Variants in TTBK1 observed in about 807,000 individuals in gnomAD.
The protein encoded by TTBK1 is tau tubulin kinase 1.
In TTBK1, 34 loss-of-function variants were observed where a neutral mutation model predicts 108.5. That is an observed-to-expected ratio of 0.31 (90% CI 0.24 to 0.42). TTBK1 has a LOEUF of 0.42. TTBK1 is among the 10% of genes least tolerant of loss of function. The pLI is 1.00. For missense variants in TTBK1, 1,539 were observed against 1,826.0 expected (o/e 0.84, Z 2.86); for synonymous variants, 809 against 795.1 (o/e 1.02, Z -0.29).
At position 43,285,535 on chromosome 6, in the gene TTBK1, C is replaced by G; in HGVS notation, c.*159C>G. On this transcript the variant is annotated 3_prime_UTR_variant, in exon 15 of 15. Coordinates refer to ENST00000259750, the MANE Select transcript of TTBK1 (RefSeq NM_032538.3). The surrounding 1 kb of genome is among the most constrained non-coding windows in gnomAD (Gnocchi z 4.7). ...ACCCGCGAGGACGCGCGCGAGCACA[C>G]GCGGCGCCCCGCCAGGCCTTAGGGC... 1 of 989,362 alleles carries G rather than the reference C, an allele frequency of 1.0e-6. No homozygotes were observed. The highest frequency in any genetic ancestry group is 1.3e-6 in the Non-Finnish European group (1 of 774,002). 61.3% of individuals were successfully genotyped at this position (989,362 alleles called of 1,614,324 possible). A position where few individuals can be genotyped will look rare whatever the true frequency, so the allele number is the denominator to read the frequency against.
chr6:43,274,869 C>T (rs1777922950), intron 13 of TTBK1, among the ~76,000 whole-genome samples: 2 of 152,068 alleles, frequency 1.3e-5, no homozygotes, highest in South Asian at 4.1e-4. Flanking sequence ...CCGCTTCCTC[C>T]AAATGAGGGG....
chr6:43,275,205 C>G (rs934297621), intron 13 of TTBK1, among the ~76,000 whole-genome samples: 3 of 152,140 alleles, frequency 2.0e-5, no homozygotes, highest in African/African-American at 4.8e-5. Flanking sequence ...CCAGGGGTCC[C>G]GTCCATCCGC....
rs1328572510 is a variant in TTBK1 at position 43,263,340 on chromosome 6, C to G, written c.1976C>G (p.Pro659Arg). ...CGGAGAGAGTCGGACCCCACAGGCC[C>G]ACAGAGACAGGTAAGGTTGGGCTTG... ...PRRRESDPTG[P>R]QRQVFSVAPP... The change falls in exon 13 of 15, where the codon CCA becomes CGA. Residue 659 changes from proline (P) to arginine (R), a missense_variant. Physicochemically the swap from Pro to Arg is moderately radical, Grantham distance 103. This residue lies in a region of TTBK1 where 1,055 missense variants were observed against 1,086.5 expected (regional missense o/e 0.97). Coordinates refer to ENST00000259750, the MANE Select transcript of TTBK1 (RefSeq NM_032538.3). This position sits in a 1 kb window ranked among gnomAD's most constrained non-coding sequence, Gnocchi z 4.7. 6.8e-7 allele frequency: 1 copy of G among 1,460,580 alleles called. No homozygotes were observed. The highest frequency in any genetic ancestry group is 1.4e-5 in the South Asian group (1 of 70,430). The allele number at this position is 1,460,580 out of a possible 1,614,324, so 90.5% of individuals were successfully genotyped here.
In TTBK1 at chr6:43,259,281, C is replaced by T; in HGVS notation, c.1248+12C>T. The stretch of plus-strand genomic sequence containing the variant: ...TCAACATCGGCAAAGTAACTGCCGC[C>T]AGGGCGAAGGGCGTGGGTGGCCTTT... On this transcript the variant is annotated intron_variant, in intron 11 of 14. Transcript: ENST00000259750. The surrounding 1 kb of genome is among the most constrained non-coding windows in gnomAD (Gnocchi z 6.7). 1 of 1,542,806 alleles carries T rather than the reference C, an allele frequency of 6.5e-7. No individual in the cohort carries two copies. The highest frequency in any genetic ancestry group is 8.7e-7 in the Non-Finnish European group (1 of 1,143,848).
intron 13 of TTBK1, among the ~76,000 whole-genome samples, chr6:43,281,609 A>C (rs1270313809): frequency 6.6e-6 from 1 of 152,162 alleles, no homozygotes. Flanking sequence ...AAGTTTAAGA[A>C]GGATGCTTGG....
At chr6:43,256,191 A>G (rs1322357967) in intron 9 of TTBK1, among the ~76,000 whole-genome samples, 1 of 149,792 alleles carries the variant, frequency 6.7e-6, no homozygotes, top group Non-Finnish European at 1.5e-5. Flanking sequence ...GCTGGAGTGC[A>G]GTGGCGTGAT....
At chr6:43,255,261 C>T in intron 7 of TTBK1, 147 bp downstream of exon 7, 1 of 784,604 alleles carries the variant, frequency 1.3e-6, no homozygotes, top group East Asian at 2.7e-5. Flanking sequence ...AGGAAGGCCC[C>T]TCTGTGGCAG....
At chr6:43,251,735 C>T (rs950510073) in intron 2 of TTBK1, among the ~76,000 whole-genome samples, 5 of 152,210 alleles carry the variant, frequency 3.3e-5, no homozygotes, top group African/African-American at 1.2e-4. Flanking sequence ...CTGCTCCATT[C>T]CCTCCAGGCG....
At chr6:43,246,534 C>A in intron 1 of TTBK1, 73 bp from the exon 2 acceptor site, 1 of 620,558 alleles carries the variant, frequency 1.6e-6, no homozygotes, top group South Asian at 2.1e-5. Flanking sequence ...AGGAGTGGAG[C>A]TCCTCTCCTC....
Position 43,285,728 on chromosome 6 carries a change from T to A in TTBK1, c.*352T>A. The A allele has an allele frequency of 5.6e-6, 1 of 177,680 alleles. No homozygotes were observed. The highest frequency in any genetic ancestry group is 1.2e-5 in the Non-Finnish European group (1 of 84,668). The allele number at this position is 177,680 out of a possible 1,614,324, so 11.0% of individuals were successfully genotyped here. A position where few individuals can be genotyped will look rare whatever the true frequency, so the allele number is the denominator to read the frequency against. ...CGAGGACTCCACTTCTGGGGACGCCTGGTTCGTTCGCCCACCAGGCCTAGG... is the reference window on the plus strand; with the variant it reads ...CGAGGACTCCACTTCTGGGGACGCCAGGTTCGTTCGCCCACCAGGCCTAGG... On this transcript the variant is annotated 3_prime_UTR_variant, in exon 15 of 15. Coordinates refer to ENST00000259750, the MANE Select transcript of TTBK1 (RefSeq NM_032538.3). The surrounding 1 kb of genome is among the most constrained non-coding windows in gnomAD (Gnocchi z 4.7).
At chr6:43,277,721 C>T (rs1171530083) in intron 13 of TTBK1, among the ~76,000 whole-genome samples, 3 of 152,184 alleles carry the variant, frequency 2.0e-5, no homozygotes, top group Non-Finnish European at 4.4e-5. Context: ...CTTGGCTTGG[C>T]AGAGACGTTT....
chr6:43,274,264 A>T lies in TTBK1; in HGVS notation c.1987-8463A>T, dbSNP rs138254298. ...TCCCTTTGCATTTCCAGTTTTGGGG[A>T]AAACAGACACAGCCCTGCCTAGTGG... On this transcript the variant is annotated intron_variant, in intron 13 of 14. Transcript: ENST00000259750. 6.4e-4 allele frequency among the ~76,000 whole-genome samples: 97 copies of T among 152,270 alleles called. 1 individual carries two copies. In the East Asian group the frequency reaches 0.016, roughly 26 times the overall value.
Position 43,263,033 on chromosome 6 carries a change from C to T in TTBK1, c.1669C>T (p.Pro557Ser). 6.3e-7 allele frequency: 1 copy of T among 1,598,220 alleles called. No homozygotes were observed. Among genetic ancestry groups the T allele is most frequent in the Non-Finnish European group, 8.5e-7 (1 of 1,172,932 alleles). The change falls in exon 13 of 15, where the codon CCA (proline) becomes TCA (serine). Residue 557 changes from proline (P) to serine (S), a missense_variant. Pro to Ser is a moderately conservative substitution (Grantham distance 74). Around this residue, in one of 5 missense-constraint regions of TTBK1, gnomAD observed 1,055 missense variants for 1,086.5 expected, o/e 0.97. Coordinates refer to ENST00000259750, the MANE Select transcript of TTBK1 (RefSeq NM_032538.3). This position sits in a 1 kb window ranked among gnomAD's most constrained non-coding sequence, Gnocchi z 4.7. ...DKETELKDFP[P>S]GAEPSTSGTT... ...GGAGACGGAGCTCAAGGACTTCCCTCCAGGGGCTGAGCCCAGCACATCGGG... is the reference window on the plus strand; with the variant it reads ...GGAGACGGAGCTCAAGGACTTCCCTTCAGGGGCTGAGCCCAGCACATCGGG...
At position 43,269,159 on chromosome 6, in the gene TTBK1, G is replaced by A. The variant is rs556991490; in HGVS notation, c.1986+5809G>A. Among the ~76,000 whole-genome samples, 2 of 152,374 alleles carry A rather than the reference G, an allele frequency of 1.3e-5. No individual in the cohort carries two copies. The highest frequency in any genetic ancestry group is 4.1e-4 in the South Asian group (2 of 4,828). ...CCGATCCCAACACCTCCCTGTGATG[G>A]GGCGGGGGTGCCAAGGCGGAGGGTG... On this transcript the variant is annotated intron_variant, in intron 13 of 14. Transcript: ENST00000259750. The surrounding 1 kb of genome is among the most constrained non-coding windows in gnomAD (Gnocchi z 4.8).
intron 9 of TTBK1, among the ~76,000 whole-genome samples, chr6:43,256,504 C>T (rs1051922791): frequency 1.3e-5 from 2 of 151,544 alleles, no homozygotes; most frequent in African/African-American, 4.8e-5. Flanking sequence ...TTTGGGAGGC[C>T]GAGGTGGGCA....
chr6:43,255,699 G>A, intron 8 of TTBK1, 32 bp from the exon 9 acceptor site: 1 of 1,614,102 alleles, frequency 6.2e-7, no homozygotes. Context: ...GGGCAGCTGG[G>A]ACTCCATCTC....
At position 43,273,307 on chromosome 6, in the gene TTBK1, G is replaced by A. The variant is rs1466113967; in HGVS notation, c.1987-9420G>A. Among the ~76,000 whole-genome samples the A allele has an allele frequency of 3.9e-5, 6 of 152,190 alleles. No individual in the cohort carries two copies. The highest frequency in any genetic ancestry group is 8.8e-5 in the Non-Finnish European group (6 of 68,026). ...TCTATAGAAAAGAGGGGAGTTGTCA[G>A]CAAGCCATATTTTCCTTCCTTTCCC... is the stretch of plus-strand genomic sequence containing the variant. On this transcript the variant is annotated intron_variant, in intron 13 of 14. Coordinates refer to ENST00000259750, the MANE Select transcript of TTBK1 (RefSeq NM_032538.3). This position sits in a 1 kb window ranked among gnomAD's most constrained non-coding sequence, Gnocchi z 4.2.
At chr6:43,267,373 G>A (rs1777709197) in intron 13 of TTBK1, among the ~76,000 whole-genome samples, 2 of 152,090 alleles carry the variant, frequency 1.3e-5, no homozygotes, top group African/African-American at 4.8e-5. Flanking sequence ...ACCCACAGGC[G>A]GAGATTATGC....
rs983505202 is a variant in TTBK1 at position 43,264,623 on chromosome 6, T to G, written c.1986+1273T>G. 2.0e-5 allele frequency among the ~76,000 whole-genome samples: 3 copies of G among 152,056 alleles called. No homozygotes were observed. The East Asian group carries it at 5.8e-4, about 29-fold the overall frequency. On this transcript the variant is annotated intron_variant, in intron 13 of 14. Transcript: ENST00000259750. ...GGGGGAATGAGAGGAGAAGGAGCTC[T>G]GCATGATGAGTGAGAGGGAGAGGTC...
Sources: allele counts gnomAD v4.1 joint callset (sites outside exome capture counted in the v4.1 genomes callset), GRCh38; gene constraint gnomAD v4.1.1; regional missense constraint gnomAD v4.1.1; non-coding constraint Gnocchi (gnomAD v3.1); transcripts MANE v1.5; gene names NCBI Gene and HGNC (gene_info 2026-07-23, HGNC 2026-07-21).